The following PCTP variants were observed in gnomAD, a reference collection of about 807,000 sequenced individuals.
PCTP encodes START domain-containing protein 2.
In PCTP, 27 loss-of-function variants were observed where a neutral mutation model predicts 31.0. That is an observed-to-expected ratio of 0.87 (90% CI 0.64 to 1.20). The LOEUF is 1.20. Ranked by LOEUF, PCTP falls within the 50% of genes most tolerant of loss-of-function variation. The pLI is 0.00. For missense variants in PCTP, 287 were observed against 268.2 expected (o/e 1.07, Z -0.49); for synonymous variants, 108 against 101.2 (o/e 1.07, Z -0.40).
chr17:55,833,272 A>G (rs1209425867), intron 5 of PCTP, among the ~76,000 whole-genome samples: 1 of 152,218 alleles, frequency 6.6e-6, no homozygotes, highest in East Asian at 1.9e-4. Flanking sequence ...TAGATACAGA[A>G]GCAAAGTTCT....
intron 5 of PCTP, among the ~76,000 whole-genome samples, chr17:55,835,827 T>G (rs1252002188): frequency 1.3e-5 from 2 of 152,114 alleles, no homozygotes; most frequent in Non-Finnish European, 2.9e-5. Context: ...CCAATAGGAG[T>G]TGGGAGACCA....
intron 3 of PCTP, among the ~76,000 whole-genome samples, chr17:55,813,867 A>G (rs531828194): frequency 1.1e-3 from 161 of 152,144 alleles, no homozygotes; most frequent in Non-Finnish European, 1.2e-3. Context: ...ATATAGTGAG[A>G]CCTTGTTTTT....
downstream of PCTP, among the ~76,000 whole-genome samples, chr17:55,845,702 G>A (rs1439995569): frequency 1.3e-5 from 2 of 152,070 alleles, no homozygotes; most frequent in Non-Finnish European, 2.9e-5. Context: ...CGGGCCCTGC[G>A]GCCTCCTTCA....
chr17:55,763,143 T>C (rs546024868), intron 1 of PCTP, among the ~76,000 whole-genome samples: 74 of 152,324 alleles, frequency 4.9e-4, no homozygotes, highest in African/African-American at 1.6e-3. Context: ...GTTAGTAAGC[T>C]TGGAAAAATA....
intron 3 of PCTP, 95 bp downstream of exon 3, chr17:55,771,280 A>C: frequency 7.6e-6 from 7 of 917,508 alleles, no homozygotes; most frequent in Non-Finnish European, 1.3e-5. Flanking sequence ...CTGGTTTCTC[A>C]GCAGGCACAG....
chr17:55,751,588 A>C, intron 1 of PCTP: 12 of 686,152 alleles, frequency 1.7e-5, no homozygotes, highest in Middle Eastern at 2.9e-4. Flanking sequence ...TCACTCTCCA[A>C]TGCGTGTCAG....
chr17:55,837,082 C>T lies in PCTP; in HGVS notation n.506-5645C>T, dbSNP rs563594325. 3.4e-4 allele frequency among the ~76,000 whole-genome samples: 51 copies of T among 152,062 alleles called. 1 individual carries two copies. Among genetic ancestry groups the T allele is most frequent in the African/African-American group, 1.2e-3 (51 of 41,470 alleles). On this transcript the variant is annotated intron_variant and non_coding_transcript_variant, in intron 5 of 5. Coordinates refer to the PCTP transcript ENST00000576221. ...TCATAGATATGGTAGTTACAGGAAG[C>T]AGTTTGGCATATCTGAGAAATGAAA...
chr17:55,809,783 A>G (rs765332376), intron 3 of PCTP, among the ~76,000 whole-genome samples: 1 of 152,058 alleles, frequency 6.6e-6, no homozygotes, highest in Non-Finnish European at 1.5e-5. Flanking sequence ...GGCGTCCCAA[A>G]ATGCTGGGAT....
At chr17:55,758,101 A>G (rs1290750523) in intron 1 of PCTP, among the ~76,000 whole-genome samples, 2 of 152,214 alleles carry the variant, frequency 1.3e-5, no homozygotes, top group Admixed American at 6.5e-5. Context: ...CTGCCCATAG[A>G]GTGTGGAACC....
intron 2 of PCTP, among the ~76,000 whole-genome samples, chr17:55,783,197 A>G (rs944215124): frequency 6.6e-6 from 1 of 151,336 alleles, no homozygotes; most frequent in African/African-American, 2.5e-5. Context: ...TTTGTTCTTT[A>G]TTAATTTTTT....
chr17:55,770,089 A>T (rs899520995), intron 2 of PCTP: 6 of 152,200 alleles, frequency 3.9e-5, no homozygotes, highest in Non-Finnish European at 5.9e-5. Flanking sequence ...GGTAGAAAGA[A>T]GTTTACTGCA....
chr17:55,799,064 G>T (rs1032692412), intron 3 of PCTP, among the ~76,000 whole-genome samples: 2 of 151,748 alleles, frequency 1.3e-5, no homozygotes, highest in Non-Finnish European at 2.9e-5. Flanking sequence ...GGATTAGTAA[G>T]CTAATGGGGG....
chr17:55,837,190 G>C (rs1905805000), intron 5 of PCTP, among the ~76,000 whole-genome samples: 1 of 152,214 alleles, frequency 6.6e-6, no homozygotes, highest in Non-Finnish European at 1.5e-5. Flanking sequence ...AATGATGAGG[G>C]AGAGTCTTGT....
chr17:55,807,742 T>G (rs1166595431), intron 3 of PCTP, among the ~76,000 whole-genome samples: 1 of 152,208 alleles, frequency 6.6e-6, no homozygotes, highest in Non-Finnish European at 1.5e-5. Context: ...AAGTCAACTT[T>G]CAGCATTTTC....
At chr17:55,805,447 G>A (rs1912544257) in intron 3 of PCTP, among the ~76,000 whole-genome samples, 1 of 151,944 alleles carries the variant, frequency 6.6e-6, no homozygotes, top group Non-Finnish European at 1.5e-5. Context: ...ACTTATAAGT[G>A]AGAACATTCA....
At chr17:55,796,249 A>G (rs1912184642) in intron 3 of PCTP, among the ~76,000 whole-genome samples, 2 of 152,030 alleles carry the variant, frequency 1.3e-5, no homozygotes, top group East Asian at 3.8e-4. Context: ...GTGAGCTATT[A>G]GTTTATTTTG....
At chr17:55,836,346 A>G (rs1371660793) in intron 5 of PCTP, among the ~76,000 whole-genome samples, 2 of 152,224 alleles carry the variant, frequency 1.3e-5, no homozygotes, top group African/African-American at 4.8e-5. Flanking sequence ...ACTGTAAACT[A>G]AAAAAGAGTG....
chr17:55,784,915 G>T (rs758577129), intron 2 of PCTP, among the ~76,000 whole-genome samples: 10 of 152,144 alleles, frequency 6.6e-5, no homozygotes, highest in Non-Finnish European at 1.5e-5. Context: ...AACATACAGT[G>T]GTCTTTGCAT....
intron 5 of PCTP, among the ~76,000 whole-genome samples, chr17:55,837,804 G>T (rs757347050): frequency 1.4e-4 from 21 of 151,952 alleles, no homozygotes; most frequent in Non-Finnish European, 2.8e-4. Context: ...TCACTCTGCC[G>T]ACTCCCTGCC....
Sources: gnomAD v4.1 joint callset for allele counts (sites outside exome capture counted in the v4.1 genomes callset) on GRCh38, gnomAD v4.1.1 for gene constraint, MANE v1.5 for transcripts, NCBI Gene and HGNC (gene_info 2026-07-23, HGNC 2026-07-21) for gene names.